The following NTM variants were observed in gnomAD, a reference collection of about 807,000 sequenced individuals.
NTM encodes IgLON family member 2.
NTM carries 13 observed loss-of-function variants against 42.1 expected under a neutral mutation model. The ratio of observed to expected loss-of-function variants is 0.31; its 90% CI spans 0.20 to 0.49. The LOEUF (loss-of-function observed/expected upper bound fraction) is 0.49. Ranked by LOEUF, NTM falls within the 20% of genes least tolerant of loss-of-function variation. The pLI, the probability that NTM is intolerant of heterozygous loss-of-function variation, is 0.99. For synonymous variants in NTM, 187 were observed against 179.2 expected, an observed-to-expected ratio of 1.04 and a Z score of -0.35; for missense variants, 373 against 452.8, an observed-to-expected ratio of 0.82 and a Z score of 1.60.
intron 1 of NTM, among the ~76,000 whole-genome samples, chr11:131,756,412 T>C (rs1202212841): frequency 2.0e-5 from 3 of 151,712 alleles, no homozygotes; most frequent in Admixed American, 6.6e-5. Context: ...AGAAAGACCT[T>C]GTCTGGGAGG....
intron 1 of NTM, among the ~76,000 whole-genome samples, chr11:131,459,850 C>G (rs1393265607): frequency 6.6e-6 from 1 of 152,072 alleles, no homozygotes; most frequent in Non-Finnish European, 1.5e-5. Flanking sequence ...TCACCTGATT[C>G]AAGGCTGGGG....
intron 3 of NTM, among the ~76,000 whole-genome samples, chr11:132,186,852 ACCGC>A: frequency 6.6e-6 from 1 of 152,332 alleles, no homozygotes; most frequent in Non-Finnish European, 1.5e-5. Flanking sequence ...TCATCCCATT[ACCGC>A]TTCCGAGCCC....
intron 1 of NTM, among the ~76,000 whole-genome samples, chr11:131,639,671 G>A (rs2064874402): frequency 6.6e-6 from 1 of 152,022 alleles, no homozygotes; most frequent in Non-Finnish European, 1.5e-5. Flanking sequence ...AAAGTGAGTG[G>A]CCCTGGCCCG....
At chr11:131,857,814 AATC>A (rs1565636742) in intron 1 of NTM, among the ~76,000 whole-genome samples, 2 of 152,016 alleles carry the variant, frequency 1.3e-5, no homozygotes, top group Non-Finnish European at 2.9e-5. Context: ...ACCCACCTCC[AATC>A]ATCCTCCCTG....
chr11:132,066,250 C>T (rs192671996), intron 2 of NTM, among the ~76,000 whole-genome samples: 2 of 152,210 alleles, frequency 1.3e-5, no homozygotes, highest in African/African-American at 4.8e-5. Flanking sequence ...TCCAAATGCT[C>T]TGCTCTCTGT....
intron 1 of NTM, among the ~76,000 whole-genome samples, chr11:131,621,051 AC>A (rs1202995339): frequency 6.6e-6 from 1 of 152,324 alleles, no homozygotes; most frequent in Non-Finnish European, 1.5e-5. Flanking sequence ...GAAAACAGAA[AC>A]CTGAATGATG....
At chr11:132,022,446 A>T (rs534688211) in intron 2 of NTM, among the ~76,000 whole-genome samples, 2 of 152,260 alleles carry the variant, frequency 1.3e-5, no homozygotes, top group South Asian at 4.1e-4. Context: ...AGTCCGCATG[A>T]TATTCGTTAT....
chr11:131,436,341 T>C (rs1949130956), intron 1 of NTM, among the ~76,000 whole-genome samples: 1 of 152,208 alleles, frequency 6.6e-6, no homozygotes, highest in Non-Finnish European at 1.5e-5. Context: ...CTGAGTGGAA[T>C]AGTTTCAGAA....
intron 1 of NTM, among the ~76,000 whole-genome samples, chr11:131,807,175 T>C (rs2092539345): frequency 6.6e-6 from 1 of 152,206 alleles, no homozygotes; most frequent in Non-Finnish European, 1.5e-5. Context: ...GTAGTAATTA[T>C]GGAATAAAGA....
At position 131,753,646 on chromosome 11, in the gene NTM, A is replaced by C. The variant is rs1371074079; in HGVS notation, c.83-157918A>C. On this transcript the variant is annotated intron_variant, in intron 1 of 8. Coordinates refer to ENST00000683400, the MANE Select transcript of NTM (RefSeq NM_001352005.2). ...TCTCAGTAAACTATCCCAAGAACAA[A>C]AAACCAAACACTGCATATTCTCACT... 2.0e-5 allele frequency among the ~76,000 whole-genome samples: 3 copies of C among 150,958 alleles called. No homozygotes were observed. In the East Asian group the frequency reaches 5.8e-4, roughly 29 times the overall value.
At position 131,612,094 on chromosome 11, in the gene NTM, A is replaced by T. The variant is rs1182256600; in HGVS notation, c.82+241206A>T. Among the ~76,000 whole-genome samples the T allele has an allele frequency of 2.6e-5, 4 of 152,218 alleles. No individual in the cohort carries two copies. The East Asian group carries it at 7.7e-4, about 29-fold the overall frequency. On this transcript the variant is annotated intron_variant, in intron 1 of 8. Transcript: ENST00000683400. ...CATCCTAAGGGGAAAGCCAGCCACC[A>T]CATCCTAAGGACATTTGAGCAGCTC...
At chr11:131,472,321 G>A (rs1952511794) in intron 1 of NTM, among the ~76,000 whole-genome samples, 1 of 152,236 alleles carries the variant, frequency 6.6e-6, no homozygotes, top group Non-Finnish European at 1.5e-5. Flanking sequence ...TTGCAAAGGT[G>A]TTTGGGAAGA....
At chr11:131,832,886 T>C (rs1431738620) in intron 1 of NTM, among the ~76,000 whole-genome samples, 1 of 152,228 alleles carries the variant, frequency 6.6e-6, no homozygotes, top group African/African-American at 2.4e-5. Flanking sequence ...GATAAGCTAA[T>C]TTTAAAATAT....
chr11:132,084,975 TG>T (rs1281550594), intron 2 of NTM, among the ~76,000 whole-genome samples: 1 of 152,226 alleles, frequency 6.6e-6, no homozygotes, highest in East Asian at 1.9e-4. Context: ...TTACAAATTT[TG>T]CTAATGAGTG....
chr11:131,966,290 A>G (rs2062826212), intron 2 of NTM, among the ~76,000 whole-genome samples: 1 of 152,214 alleles, frequency 6.6e-6, no homozygotes, highest in Admixed American at 6.5e-5. Context: ...ATGAATAGGC[A>G]CTGCTAAAGG....
intron 2 of NTM, among the ~76,000 whole-genome samples, chr11:131,977,159 T>C (rs2064521317): frequency 6.6e-6 from 1 of 152,246 alleles, no homozygotes; most frequent in Admixed American, 6.5e-5. Context: ...GATTGATCTC[T>C]GCTACCCCAC....
intron 1 of NTM, among the ~76,000 whole-genome samples, chr11:131,910,258 C>T (rs1013782610): frequency 3.5e-4 from 54 of 152,184 alleles, no homozygotes; most frequent in African/African-American, 1.3e-3. Context: ...TTTAAAGGTG[C>T]ATGTATGCAT....
At chr11:132,072,782 C>T (rs79544982) in intron 2 of NTM, among the ~76,000 whole-genome samples, 2,355 of 152,192 alleles carry the variant, frequency 0.015, 72 homozygotes, top group African/African-American at 0.055. Flanking sequence ...GGGGCCTCTG[C>T]GGGACTCTGG....
intron 1 of NTM, among the ~76,000 whole-genome samples, chr11:131,596,738 C>T (rs962729060): frequency 6.6e-6 from 1 of 152,250 alleles, no homozygotes; most frequent in Non-Finnish European, 1.5e-5. Context: ...GGCTGGAACT[C>T]AGACTGATTC....
Sources: allele counts gnomAD v4.1 joint callset (sites outside exome capture counted in the v4.1 genomes callset), GRCh38; gene constraint gnomAD v4.1.1; transcripts MANE v1.5; gene names NCBI Gene and HGNC (gene_info 2026-07-23, HGNC 2026-07-21).